The following ODAPH variants were observed in gnomAD, a reference collection of about 807,000 sequenced individuals.
ODAPH encodes odontogenesis associated phosphoprotein, also known as amelogenesis imperfecta type IIA4.
ODAPH carries 2 observed loss-of-function variants against 2.8 expected under a neutral mutation model. That is an observed-to-expected ratio of 0.72 (90% confidence interval 0.30 to 2.28). The LOEUF is 2.28. Ranked by LOEUF, ODAPH falls within the 30% of genes most tolerant of loss-of-function variation. ODAPH has a pLI of 0.13. For synonymous variants in ODAPH, 75 were observed against 60.3 expected (o/e 1.24, Z -1.13); for missense variants, 159 against 163.3 (o/e 0.97, Z 0.14).
rs73825506 is a variant in ODAPH at position 75,556,779 on chromosome 4, A to T, written c.67+630A>T. ...TACAATTGGTTTGCAAACCCCTAGG[A>T]AAAGGAAAGAAAAGGCTGGGGAAGG... On this transcript the variant is annotated intron_variant, in intron 1 of 1. Coordinates refer to ENST00000311623, the MANE Select transcript of ODAPH (RefSeq NM_178497.5). Among the ~76,000 whole-genome samples, 1,480 of 152,290 alleles carry T rather than the reference A, an allele frequency of 9.7e-3. 21 individuals carry two copies. The highest frequency in any genetic ancestry group is 0.034 in the African/African-American group (1,402 of 41,548).
Position 75,556,142 on chromosome 4 carries a change from G to A in ODAPH, c.60G>A (p.Val20=). The A allele has an allele frequency of 6.2e-7, 1 of 1,613,664 alleles. No individual in the cohort carries two copies. Among genetic ancestry groups the A allele is most frequent in the South Asian group, 1.1e-5 (1 of 91,070 alleles). The part of the protein sequence containing the change: ...WLLVCWLVVT[V]AEGQEEVFTP... ...TGGTATGCTGGTTGGTGGTAACTGTGGCAGAAGGTAAGGGTTTTGCTTTTA... is the reference window on the plus strand; with the variant it reads ...TGGTATGCTGGTTGGTGGTAACTGTAGCAGAAGGTAAGGGTTTTGCTTTTA... The change falls in exon 1 of 2, where the codon GTG becomes GTA. Residue 20 remains valine, a synonymous_variant. Coordinates refer to ENST00000311623, the MANE Select transcript of ODAPH (RefSeq NM_178497.5).
intron 1 of ODAPH, among the ~76,000 whole-genome samples, chr4:75,557,176 G>A (rs529958715): frequency 6.6e-5 from 10 of 152,222 alleles, no homozygotes; most frequent in Middle Eastern, 3.4e-3. Flanking sequence ...CCAAGGCAAG[G>A]CCCCCAAGCC....
chr4:75,561,398 A>T (rs575198223), intron 1 of ODAPH, among the ~76,000 whole-genome samples: 11 of 152,266 alleles, frequency 7.2e-5, no homozygotes, highest in Middle Eastern at 3.4e-3. Context: ...TAGAATTTCA[A>T]TGTACCCTGA....
rs561262048 is a variant in ODAPH at position 75,561,976 on chromosome 4, T to C, written c.68-2138T>C. ...GCTTCTATGTGCAGACTGGCTTCTC[T>C]GCATTCTCAACATTCCACAGGACAA... On this transcript the variant is annotated intron_variant, in intron 1 of 1. Coordinates refer to ENST00000311623, the MANE Select transcript of ODAPH (RefSeq NM_178497.5). Among the ~76,000 whole-genome samples the C allele has an allele frequency of 5.9e-5, 9 of 152,356 alleles. No homozygotes were observed. In the South Asian group the frequency reaches 1.7e-3, roughly 28 times the overall value.
chr4:75,561,387 T>A (rs758806193), intron 1 of ODAPH, among the ~76,000 whole-genome samples: 11 of 152,152 alleles, frequency 7.2e-5, no homozygotes, highest in Non-Finnish European at 1.5e-4. Context: ...AGTTTCAGTT[T>A]TAGAATTTCA....
intron 1 of ODAPH, among the ~76,000 whole-genome samples, chr4:75,557,593 C>T (rs1239028945): frequency 6.6e-6 from 1 of 152,156 alleles, no homozygotes; most frequent in Non-Finnish European, 1.5e-5. Flanking sequence ...GAGCCAAGAT[C>T]GTGCCATTGC....
downstream of ODAPH, chr4:75,565,701 C>CT (rs1251630535): frequency 1.3e-5 from 2 of 151,848 alleles, no homozygotes; most frequent in East Asian, 3.9e-4. Flanking sequence ...GTGGTTTGCA[C>CT]TTTTTCCTCC....
chr4:75,561,907 G>T (rs1287995499), intron 1 of ODAPH, among the ~76,000 whole-genome samples: 1 of 152,130 alleles, frequency 6.6e-6, no homozygotes, highest in African/African-American at 2.4e-5. Context: ...TTACCACAAG[G>T]CTCTGGTCTC....
Position 75,561,315 on chromosome 4 carries a change from G to A in ODAPH, c.68-2799G>A, listed in dbSNP as rs759916352. Among the ~76,000 whole-genome samples, 75 of 151,142 alleles carry A rather than the reference G, an allele frequency of 5.0e-4. 1 individual carries two copies. The highest frequency in any genetic ancestry group is 1.7e-3 in the South Asian group (8 of 4,784). On this transcript the variant is annotated intron_variant, in intron 1 of 1. Transcript: ENST00000311623. The stretch of plus-strand genomic sequence containing the variant: ...TTCTTCCTGTAAGGTTCAGAACTTA[G>A]CAGGAAAAAAGCTACTAATGTGGGA...
intron 1 of ODAPH, among the ~76,000 whole-genome samples, chr4:75,559,532 G>C (rs1165960184): frequency 6.6e-6 from 1 of 152,184 alleles, no homozygotes; most frequent in Non-Finnish European, 1.5e-5. Context: ...CAGGAAGCCT[G>C]GCTCTAGAGC....
intron 1 of ODAPH, chr4:75,556,636 G>T (rs1260732502): frequency 7.3e-7 from 1 of 1,377,692 alleles, no homozygotes; most frequent in East Asian, 2.5e-5. Flanking sequence ...CTATTGAGCT[G>T]CATTTTGGTG....
intron 1 of ODAPH, among the ~76,000 whole-genome samples, chr4:75,563,005 C>CTTTTTTTTTTTTT (rs542417085): frequency 1.7e-5 from 1 of 59,536 alleles, no homozygotes; most frequent in Non-Finnish European, 3.1e-5. Flanking sequence ...ATCCACACAT[C>CTTTTTTTTTTTTT]TTTTTTTTTT....
At chr4:75,558,987 C>A (rs1295394774) in intron 1 of ODAPH, among the ~76,000 whole-genome samples, 1 of 152,188 alleles carries the variant, frequency 6.6e-6, no homozygotes, top group Non-Finnish European at 1.5e-5. Context: ...TAAGCCACCA[C>A]GCCCAGCCAA....
In ODAPH at chr4:75,564,617, T is replaced by C; in HGVS notation, c.*178T>C. ...TGTCAGCAGTGAAGATATTGGATCA[T>C]AGGTTATTGATGGTTGCAAAATTGG... On this transcript the variant is annotated 3_prime_UTR_variant, in exon 2 of 2. Transcript: ENST00000311623. 2.8e-6 allele frequency: 4 copies of C among 1,405,166 alleles called. No homozygotes were observed. In the South Asian group the frequency reaches 4.1e-5, roughly 14 times the overall value. The allele number at this position is 1,405,166 out of a possible 1,614,324, so 87.0% of individuals were successfully genotyped here. A position where few individuals can be genotyped will look rare whatever the true frequency, so the allele number is the denominator to read the frequency against.
intron 1 of ODAPH, chr4:75,563,333 G>A (rs1052399139): frequency 3.3e-5 from 5 of 151,078 alleles, no homozygotes; most frequent in Middle Eastern, 5.8e-4. Context: ...GCCAAAATCC[G>A]CACATCTTAA....
chr4:75,564,653 C>A lies in ODAPH; in HGVS notation c.*214C>A. The A allele has an allele frequency of 2.1e-6, 2 of 960,154 alleles. No homozygotes were observed. The highest frequency in any genetic ancestry group is 1.5e-6 in the Non-Finnish European group (1 of 662,486). The allele number at this position is 960,154 out of a possible 1,614,324, so 59.5% of individuals were successfully genotyped here. A position where few individuals can be genotyped will look rare whatever the true frequency, so the allele number is the denominator to read the frequency against. ...TGGTTGCAAAATTGGACAATAACCA[C>A]GTTATTTTTATCCTCAACCTCTTAT... On this transcript the variant is annotated 3_prime_UTR_variant, in exon 2 of 2. Coordinates refer to ENST00000311623, the MANE Select transcript of ODAPH (RefSeq NM_178497.5).
At chr4:75,564,842 T>C (rs141671750), downstream of ODAPH, 112 of 349,324 alleles carry the variant, frequency 3.2e-4, no homozygotes, top group African/African-American at 2.3e-3. Context: ...ACACCGTTTT[T>C]ATACTCATTG....
At chr4:75,560,021 C>T (rs1244691731) in intron 1 of ODAPH, among the ~76,000 whole-genome samples, 7 of 152,168 alleles carry the variant, frequency 4.6e-5, no homozygotes, top group Non-Finnish European at 1.0e-4. Flanking sequence ...GAGACTTGAA[C>T]AGGAGTTAGC....
rs75611743 is a variant in ODAPH at position 75,560,817 on chromosome 4, G to A, written c.68-3297G>A. On this transcript the variant is annotated intron_variant, in intron 1 of 1. Coordinates refer to ENST00000311623, the MANE Select transcript of ODAPH (RefSeq NM_178497.5). ...TAGAAATGAAATGAGCACAAGAGGC[G>A]GGTGGGTGGGTGGTTTTTAACAGCT... Among the ~76,000 whole-genome samples, 820 of 152,326 alleles carry A rather than the reference G, an allele frequency of 5.4e-3. 4 individuals are homozygous for A. Among genetic ancestry groups the A allele is most frequent in the African/African-American group, 0.019 (775 of 41,582 alleles).
Sources: gnomAD v4.1 joint callset for allele counts (sites outside exome capture counted in the v4.1 genomes callset) on GRCh38, gnomAD v4.1.1 for gene constraint, MANE v1.5 for transcripts, NCBI Gene and HGNC (gene_info 2026-07-23, HGNC 2026-07-21) for gene names.